The following MBD5 variants were observed in gnomAD, a reference collection of about 807,000 sequenced individuals.
MBD5 encodes methyl-CpG-binding domain protein 5.
MBD5 carries 13 observed loss-of-function variants against 117.3 expected under a neutral mutation model. The ratio of observed to expected loss-of-function variants is 0.11; its 90% CI spans 0.07 to 0.18. The LOEUF (loss-of-function observed/expected upper bound fraction) is 0.18, where lower values mean the gene tolerates loss of function less well. Among genes scored for constraint, MBD5 ranks in the 10% least tolerant of loss-of-function variants. MBD5 has a pLI of 1.00. For missense variants in MBD5, 1,879 were observed against 2,093.8 expected, an observed-to-expected ratio of 0.90 and a Z score of 2.00; for synonymous variants, 727 against 766.4, an observed-to-expected ratio of 0.95 and a Z score of 0.85.
At chr2:148,151,664 T>C (rs1697671834) in intron 1 of MBD5, among the ~76,000 whole-genome samples, 1 of 152,154 alleles carries the variant, frequency 6.6e-6, no homozygotes, top group Non-Finnish European at 1.5e-5. Context: ...CCTGGTTTAG[T>C]CTTGGGAGAG....
At chr2:148,154,109 T>TA (rs746872716) in intron 1 of MBD5, among the ~76,000 whole-genome samples, 11,996 of 29,536 alleles carry the variant, frequency 0.41, 1,497 homozygotes, top group South Asian at 0.6. Flanking sequence ...GATGTACAGA[T>TA]GGGTTTTGGT....
At chr2:148,067,365 T>A (rs1490904723) in intron 1 of MBD5, among the ~76,000 whole-genome samples, 3 of 152,232 alleles carry the variant, frequency 2.0e-5, no homozygotes, top group Non-Finnish European at 2.9e-5. Context: ...ATTGATTTTC[T>A]TTACAAATTA....
rs557069206 is a variant in MBD5, at chr2:148,514,389, T to C, written c.*1448T>C. ...TCTCACAATTTTTGTGGTGGTGGTA[T>C]TACCCTATCTTCCAGGCAGTTAAGC... On this transcript the variant is annotated 3_prime_UTR_variant, in exon 14 of 14. Transcript: ENST00000642680. 6.6e-6 allele frequency: 1 copy of C among 152,354 alleles called. No homozygotes were observed. The highest frequency in any genetic ancestry group is 2.1e-4 in the South Asian group (1 of 4,824). The allele number at this position is 152,354 out of a possible 1,614,324, so 9.4% of individuals were successfully genotyped here.
chr2:148,422,356 G>A (rs1261378121), intron 4 of MBD5, among the ~76,000 whole-genome samples: 1 of 152,086 alleles, frequency 6.6e-6, no homozygotes, highest in East Asian at 1.9e-4. Context: ...ACTGTTACAA[G>A]GAAAACTAAC....
chr2:148,165,788 A>G (rs765277083), intron 1 of MBD5, among the ~76,000 whole-genome samples: 17 of 152,150 alleles, frequency 1.1e-4, no homozygotes, highest in Admixed American at 6.5e-4. Context: ...CCAGCAACAT[A>G]GGGAACATTT....
chr2:148,312,186 A>G (rs1702048046), intron 3 of MBD5, among the ~76,000 whole-genome samples: 1 of 152,062 alleles, frequency 6.6e-6, no homozygotes, highest in Admixed American at 6.5e-5. Flanking sequence ...CTGAGTTTGA[A>G]TGTTGACCTC....
intron 3 of MBD5, among the ~76,000 whole-genome samples, chr2:148,282,903 C>A (rs536761055): frequency 1.6e-4 from 23 of 144,270 alleles, no homozygotes; most frequent in Non-Finnish European, 2.9e-4. Context: ...TTAACCGCCC[C>A]CCCCCATCAG....
chr2:148,053,892 ATCTT>A (rs1472286722), intron 1 of MBD5: 1 of 146,288 alleles, frequency 6.8e-6, no homozygotes, highest in African/African-American at 2.5e-5. Context: ...GTATCATTTT[ATCTT>A]TCTTTCTTTT....
At chr2:148,373,313 T>C (rs1703905149) in intron 4 of MBD5, among the ~76,000 whole-genome samples, 3 of 152,146 alleles carry the variant, frequency 2.0e-5, no homozygotes, top group Non-Finnish European at 2.9e-5. Flanking sequence ...CTGGATGTAA[T>C]ACTCTTGTTC....
intron 4 of MBD5, among the ~76,000 whole-genome samples, chr2:148,424,215 A>AAAC: frequency 7.0e-6 from 1 of 143,710 alleles, no homozygotes; most frequent in Non-Finnish European, 1.5e-5. Context: ...AAAAAAAAAA[A>AAAC]ACAGCAGAGG....
chr2:148,461,461 A>G (rs1466580931), intron 5 of MBD5, among the ~76,000 whole-genome samples: 2 of 152,206 alleles, frequency 1.3e-5, no homozygotes, highest in East Asian at 3.9e-4. Flanking sequence ...TTTTAAAGCT[A>G]GTTCACTAAT....
intron 1 of MBD5, among the ~76,000 whole-genome samples, chr2:148,038,578 C>T (rs1365453593): frequency 6.7e-6 from 1 of 148,998 alleles, no homozygotes; most frequent in Non-Finnish European, 1.5e-5. Context: ...ATTAAGGACA[C>T]ATTTTTTTTT....
chr2:148,136,060 A>T lies in MBD5; in HGVS notation c.-924-42640A>T, dbSNP rs1483361038. Among the ~76,000 whole-genome samples the T allele has an allele frequency of 7.9e-5, 12 of 152,094 alleles. 1 individual carries two copies. Among genetic ancestry groups the T allele is most frequent in the Admixed American group, 7.9e-4 (12 of 15,266 alleles). On this transcript the variant is annotated intron_variant, in intron 1 of 13. Coordinates refer to ENST00000642680, the MANE Select transcript of MBD5 (RefSeq NM_001378120.1). ...TGCACATGTTATAAACTATCTAATC[A>T]TCAGTCTAGTATTCATAGTGGGGGG...
chr2:148,318,672 C>T (rs1421242709), intron 3 of MBD5, among the ~76,000 whole-genome samples: 1 of 151,976 alleles, frequency 6.6e-6, no homozygotes, highest in Non-Finnish European at 1.5e-5. Flanking sequence ...ATATGGCTAT[C>T]CAATTTTCCC....
chr2:148,384,075 A>G (rs1041257135), intron 4 of MBD5, among the ~76,000 whole-genome samples: 1 of 151,668 alleles, frequency 6.6e-6, no homozygotes, highest in African/African-American at 2.4e-5. Context: ...CTCTCTCACC[A>G]CTCCTATTCA....
chr2:148,450,963 G>A (rs1245570613), intron 4 of MBD5, among the ~76,000 whole-genome samples: 1 of 152,164 alleles, frequency 6.6e-6, no homozygotes, highest in African/African-American at 2.4e-5. Context: ...TCACTCTCAG[G>A]AGCCTGTCTC....
intron 1 of MBD5, among the ~76,000 whole-genome samples, chr2:148,035,355 C>T (rs149651958): frequency 3.5e-3 from 538 of 152,044 alleles, no homozygotes; most frequent in East Asian, 8.3e-3. Context: ...GTATGTTATG[C>T]GTTAAAAATT....
At chr2:148,279,401 G>A (rs937280179) in intron 3 of MBD5, among the ~76,000 whole-genome samples, 2 of 152,190 alleles carry the variant, frequency 1.3e-5, no homozygotes, top group Non-Finnish European at 2.9e-5. Flanking sequence ...CTGCACTACA[G>A]CCTGGGCAAC....
At chr2:148,286,960 A>C (rs956866878) in intron 3 of MBD5, among the ~76,000 whole-genome samples, 3 of 152,192 alleles carry the variant, frequency 2.0e-5, no homozygotes, top group African/African-American at 7.2e-5. Context: ...CATTTTTGTA[A>C]TTTCTAACAA....
Sources: allele counts gnomAD v4.1 joint callset (sites outside exome capture counted in the v4.1 genomes callset), GRCh38; gene constraint gnomAD v4.1.1; transcripts MANE v1.5; gene names NCBI Gene and HGNC (gene_info 2026-07-23, HGNC 2026-07-21).